NCOR1: variants seen among roughly 807,000 people sequenced by gnomAD.
NCOR1 encodes the protein protein phosphatase 1, regulatory subunit 109.
Under a neutral mutation model 288.1 loss-of-function variants are expected in NCOR1, and 63 were observed. The ratio of observed to expected loss-of-function variants is 0.22; its 90% CI spans 0.18 to 0.27. The LOEUF (loss-of-function observed/expected upper bound fraction) is 0.27. NCOR1 is among the 10% of genes least tolerant of loss of function. NCOR1 has a pLI of 1.00. For synonymous variants in NCOR1, 1,007 were observed against 1,065.9 expected, an observed-to-expected ratio of 0.94 and a Z score of 1.08; for missense variants, 2,397 against 3,019.2, an observed-to-expected ratio of 0.79 and a Z score of 4.83.
intron 5 of NCOR1, among the ~76,000 whole-genome samples, chr17:16,159,369 C>T (rs534924057): frequency 5.8e-5 from 8 of 138,890 alleles, no homozygotes; most frequent in South Asian, 2.2e-4. Context: ...GTCGAGATAA[C>T]GCCACTGCAC....
chr17:16,080,684 T>C lies in NCOR1; in HGVS notation c.3221A>G (p.Tyr1074Cys). 6.2e-7 allele frequency: 1 copy of C among 1,613,962 alleles called. No homozygotes were observed. Among genetic ancestry groups the C allele is most frequent in the Non-Finnish European group, 8.5e-7 (1 of 1,179,894 alleles). ...TGACGGCTTGGGTGTTTCTTGAGTG[T>C]AGGAAGCCTGATTATGAGAAGTCAA... ...TYLTSHNQAS[Y>C]TQETPKPSVG... The change falls in exon 24 of 46, where the codon TAC (tyrosine) becomes TGC (cysteine). Residue 1074 changes from tyrosine to cysteine, a missense_variant. Coordinates refer to ENST00000268712, the MANE Select transcript of NCOR1 (RefSeq NM_006311.4).
chr17:16,079,338 G>T (rs2063029677), intron 26 of NCOR1, among the ~76,000 whole-genome samples: 1 of 152,174 alleles, frequency 6.6e-6, no homozygotes. Flanking sequence ...TTTAGAAAAT[G>T]CAAGGCACAG....
At chr17:16,107,760 C>T (rs1465123865) in intron 19 of NCOR1, among the ~76,000 whole-genome samples, 2 of 152,176 alleles carry the variant, frequency 1.3e-5, no homozygotes, top group African/African-American at 4.8e-5. Context: ...TCTTACCCTA[C>T]CCTCGGGTGG....
At chr17:16,200,692 A>G (rs1363207530) in intron 1 of NCOR1, among the ~76,000 whole-genome samples, 4 of 152,126 alleles carry the variant, frequency 2.6e-5, no homozygotes, top group Non-Finnish European at 5.9e-5. Flanking sequence ...TACTGATACA[A>G]AAGTATGGGG....
At chr17:16,053,716 A>G (rs1476486374) in intron 40 of NCOR1, among the ~76,000 whole-genome samples, 3 of 152,098 alleles carry the variant, frequency 2.0e-5, no homozygotes, top group African/African-American at 7.3e-5. Context: ...ATAGATCCAA[A>G]AAAGAGCCTG....
chr17:16,070,979 A>C (rs1409270045), intron 30 of NCOR1, among the ~76,000 whole-genome samples: 12 of 151,352 alleles, frequency 7.9e-5, no homozygotes, highest in Non-Finnish European at 1.8e-4. Context: ...CAGTGAGCCA[A>C]GATCGTGCCA....
intron 21 of NCOR1, among the ~76,000 whole-genome samples, chr17:16,097,524 A>G (rs1383594584): frequency 6.6e-6 from 1 of 152,156 alleles, no homozygotes; most frequent in Admixed American, 6.5e-5. Flanking sequence ...GCCTTCATAA[A>G]AACCCCAAAT....
Position 16,031,368 on chromosome 17 carries a change from A to T in NCOR1, c.*928T>A, listed in dbSNP as rs1421774145. The T allele has an allele frequency of 5.3e-6, 1 of 189,766 alleles. No homozygotes were observed. The highest frequency in any genetic ancestry group is 8.4e-5 in the East Asian group (1 of 11,902). 11.8% of individuals were successfully genotyped at this position (189,766 alleles called of 1,614,324 possible). On this transcript the variant is annotated 3_prime_UTR_variant, in exon 46 of 46. Transcript: ENST00000268712. ...AAGCTTTTCCTTTGGAACCTGAGACACCAGGAGCCTTAAACCACAAATAAT... is the reference window on the plus strand; with the variant it reads ...AAGCTTTTCCTTTGGAACCTGAGACTCCAGGAGCCTTAAACCACAAATAAT...
At chr17:16,196,792 G>A (rs1422790469) in intron 1 of NCOR1, among the ~76,000 whole-genome samples, 1 of 141,326 alleles carries the variant, frequency 7.1e-6, no homozygotes, top group African/African-American at 2.6e-5. Flanking sequence ...GCCACTGCAT[G>A]CCAGCCTGGG....
intron 5 of NCOR1, among the ~76,000 whole-genome samples, chr17:16,161,316 TCTCA>T (rs1214809749): frequency 6.6e-6 from 1 of 151,786 alleles, no homozygotes; most frequent in Non-Finnish European, 1.5e-5. Flanking sequence ...TGAGATGGAG[TCTCA>T]CTCTTTTTGC....
At position 16,140,746 on chromosome 17, in the gene NCOR1, G is replaced by A. The variant is rs138285358; in HGVS notation, c.1174-1560C>T. Among the ~76,000 whole-genome samples, 1,315 of 152,234 alleles carry A rather than the reference G, an allele frequency of 8.6e-3. 20 individuals carry two copies. Among genetic ancestry groups the A allele is most frequent in the East Asian group, 0.049 (255 of 5,172 alleles). ...GTAGAATCGCTTGAACCTGGGACGC[G>A]GAGGTTGCAGTGAGCCAAGATCGTG... On this transcript the variant is annotated intron_variant, in intron 11 of 45. Coordinates refer to ENST00000268712, the MANE Select transcript of NCOR1 (RefSeq NM_006311.4).
chr17:16,164,436 G>A (rs1379329458), intron 5 of NCOR1, among the ~76,000 whole-genome samples: 2 of 151,892 alleles, frequency 1.3e-5, no homozygotes, highest in Non-Finnish European at 2.9e-5. Flanking sequence ...ATGCACATAA[G>A]GAACCCAAAT....
chr17:16,173,519 A>G (rs2083495409), intron 3 of NCOR1, among the ~76,000 whole-genome samples: 1 of 152,220 alleles, frequency 6.6e-6, no homozygotes, highest in South Asian at 2.1e-4. Flanking sequence ...TGGCAAAAAA[A>G]AAACTATTAG....
intron 18 of NCOR1, 94 bp downstream of exon 18, chr17:16,117,794 C>T: frequency 7.3e-7 from 1 of 1,370,398 alleles, no homozygotes; most frequent in African/African-American, 1.5e-5. Flanking sequence ...TGCACTCTAG[C>T]CTGGGTGATA....
intron 14 of NCOR1, among the ~76,000 whole-genome samples, chr17:16,128,122 TA>T (rs2075037854): frequency 6.6e-6 from 1 of 152,116 alleles, no homozygotes. Flanking sequence ...ATAACCAAAT[TA>T]AAACAGAACT....
At chr17:16,063,223 C>T (rs908240776) in intron 35 of NCOR1, among the ~76,000 whole-genome samples, 1 of 152,034 alleles carries the variant, frequency 6.6e-6, no homozygotes, top group Admixed American at 6.5e-5. Context: ...CTCTGTCACC[C>T]AGGATGGAGT....
At chr17:16,127,420 CATGTGTATATGTGTATGTAT>C (rs1331428016) in intron 14 of NCOR1, among the ~76,000 whole-genome samples, 1 of 32,714 alleles carries the variant, frequency 3.1e-5, no homozygotes, top group African/African-American at 1.0e-4. Context: ...TGTATATATA[CATGTGTATATGTGTATGTAT>C]ATATGTGTAT....
intron 31 of NCOR1, among the ~76,000 whole-genome samples, chr17:16,069,250 T>C (rs899692698): frequency 1.3e-5 from 2 of 152,044 alleles, no homozygotes; most frequent in Admixed American, 6.5e-5. Context: ...CCCAGCGTGC[T>C]CAAATATGGA....
intron 22 of NCOR1, among the ~76,000 whole-genome samples, chr17:16,086,814 G>A (rs892970819): frequency 6.6e-6 from 1 of 152,192 alleles, no homozygotes; most frequent in Non-Finnish European, 1.5e-5. Context: ...AGACATGACT[G>A]ACAACCAGTT....
Sources: allele counts gnomAD v4.1 joint callset (sites outside exome capture counted in the v4.1 genomes callset), GRCh38; gene constraint gnomAD v4.1.1; transcripts MANE v1.5; gene names NCBI Gene and HGNC (gene_info 2026-07-23, HGNC 2026-07-21).